PKHD1: variants seen among roughly 807,000 people sequenced by gnomAD.
PKHD1 encodes fibrocystin.
In PKHD1, 291 loss-of-function variants were observed where a neutral mutation model predicts 412.0. That is an observed-to-expected ratio of 0.71 (90% CI 0.64 to 0.78). The LOEUF is 0.78. PKHD1 is among the 30% of genes least tolerant of loss of function. The probability of loss-of-function intolerance (pLI) is 0.00; values close to 1 mark genes in which losing one functional copy is unlikely to be tolerated. For missense variants in PKHD1, 4,825 were observed against 4,950.7 expected, an observed-to-expected ratio of 0.97 and a Z score of 0.76; for synonymous variants, 1,777 against 1,821.5, an observed-to-expected ratio of 0.98 and a Z score of 0.62.
At chr6:51,974,354 G>A (rs1285212770) in intron 35 of PKHD1, among the ~76,000 whole-genome samples, 4 of 152,094 alleles carry the variant, frequency 2.6e-5, no homozygotes, top group Non-Finnish European at 5.9e-5. Context: ...CTTCTCATCT[G>A]GGCAAACCAA....
In PKHD1 at chr6:51,911,962, G is replaced by GA. The variant is rs138161138; in HGVS notation, c.6333-7dup. 56 of 1,606,420 alleles carry GA rather than the reference G, an allele frequency of 3.5e-5. No individual in the cohort carries two copies. Among genetic ancestry groups the GA allele is most frequent in the Non-Finnish European group, 4.3e-5 (51 of 1,175,294 alleles). On this transcript the variant is annotated splice_polypyrimidine_tract_variant and splice_region_variant and intron_variant, in intron 38 of 66. Transcript: ENST00000371117. ...CTGTAAAGTTGTGAGAATATCTGGAGAAAAAAAGAGGATGATAGAACTGAG... is the reference window on the plus strand; with the variant it reads ...CTGTAAAGTTGTGAGAATATCTGGAGAAAAAAAAGAGGATGATAGAACTGAG...
chr6:51,922,666 G>T (rs1410752475), intron 37 of PKHD1, among the ~76,000 whole-genome samples: 1 of 152,214 alleles, frequency 6.6e-6, no homozygotes, highest in Admixed American at 6.5e-5. Flanking sequence ...CCCTCCCCAA[G>T]CCTCGCTGCC....
intron 37 of PKHD1, among the ~76,000 whole-genome samples, chr6:51,920,609 A>C (rs1023162765): frequency 1.3e-5 from 2 of 152,170 alleles, no homozygotes; most frequent in Non-Finnish European, 2.9e-5. Context: ...TGTCTCTGCC[A>C]GGCTTTGGTA....
At chr6:51,645,067 C>T (rs1178829497) in intron 63 of PKHD1, among the ~76,000 whole-genome samples, 2 of 152,156 alleles carry the variant, frequency 1.3e-5, no homozygotes, top group African/African-American at 4.8e-5. Context: ...GGTACATATA[C>T]ACCATATCAA....
Position 52,050,238 on chromosome 6 carries a change from G to A in PKHD1, c.2198C>T (p.Ser733Phe). 1.2e-6 allele frequency: 2 copies of A among 1,614,200 alleles called. No homozygotes were observed. Among genetic ancestry groups the A allele is most frequent in the Non-Finnish European group, 1.7e-6 (2 of 1,180,006 alleles). The stretch of plus-strand genomic sequence containing the variant: ...GTAGACCGGAGGGGATCCCACCACA[G>A]AGACTGATTCCACCAGATTGCCCCC... ...RPGGNLVESVSVVGSPPVYSV... is the reference protein window; with the variant it reads ...RPGGNLVESVFVVGSPPVYSV... The change falls in exon 22 of 67, where the codon TCT becomes TTT. Residue 733 changes from serine to phenylalanine, a missense_variant. Physicochemically the swap from Ser to Phe is radical, Grantham distance 155. Coordinates refer to ENST00000371117, the MANE Select transcript of PKHD1 (RefSeq NM_138694.4).
At chr6:51,976,240 C>T (rs1794424430) in intron 35 of PKHD1, among the ~76,000 whole-genome samples, 1 of 152,220 alleles carries the variant, frequency 6.6e-6, no homozygotes, top group Non-Finnish European at 1.5e-5. Context: ...GGAAGCAACT[C>T]ATGTGCATTG....
At chr6:52,024,310 T>C (rs1801821296) in intron 32 of PKHD1, among the ~76,000 whole-genome samples, 1 of 152,290 alleles carries the variant, frequency 6.6e-6, no homozygotes, top group South Asian at 2.1e-4. Context: ...TAATTTAAAA[T>C]ACAAATCCAG....
At chr6:52,069,982 G>A (rs1810358325) in intron 10 of PKHD1, among the ~76,000 whole-genome samples, 1 of 152,058 alleles carries the variant, frequency 6.6e-6, no homozygotes, top group African/African-American at 2.4e-5. Context: ...CAAAATATAA[G>A]GTAAGGATTC....
chr6:51,961,931 T>C (rs1488381918), intron 35 of PKHD1, among the ~76,000 whole-genome samples: 1 of 152,086 alleles, frequency 6.6e-6, no homozygotes, highest in Non-Finnish European at 1.5e-5. Flanking sequence ...CATATACCTG[T>C]GAAATCAAAA....
intron 53 of PKHD1, among the ~76,000 whole-genome samples, chr6:51,783,318 T>C (rs1445669053): frequency 6.7e-6 from 1 of 149,838 alleles, no homozygotes; most frequent in African/African-American, 2.4e-5. Flanking sequence ...TTAGGATATG[T>C]GTTTCAAAAA....
chr6:51,856,398 G>A (rs934643709), intron 48 of PKHD1, among the ~76,000 whole-genome samples: 1 of 152,250 alleles, frequency 6.6e-6, no homozygotes, highest in East Asian at 1.9e-4. Flanking sequence ...AGTGCAATGC[G>A]CAGTCTCAGC....
At chr6:51,639,031 G>A in intron 63 of PKHD1, 75 bp from the exon 64 acceptor site, 1 of 1,106,464 alleles carries the variant, frequency 9.0e-7, no homozygotes, top group Non-Finnish European at 1.4e-6. Context: ...CTTCTGCGAA[G>A]GCAGACATTT....
rs759826377 is a variant in PKHD1, at chr6:51,960,052, G to GGGTT, written c.5752-30_5752-27dup. 6.2e-6 allele frequency: 10 copies of GGGTT among 1,612,136 alleles called. No individual in the cohort carries two copies. In the African/African-American group the frequency reaches 8.0e-5, roughly 13 times the overall value. ...CTGGAAAACAGAGAGCTGGGTTGGT[G>GGGTT]GGTTGGTTGGTTGGTTGGCTGGTCT... On this transcript the variant is annotated intron_variant, in intron 35 of 66. Transcript: ENST00000371117.
At chr6:51,737,710 T>C (rs1784025845) in intron 60 of PKHD1, among the ~76,000 whole-genome samples, 2 of 143,724 alleles carry the variant, frequency 1.4e-5, no homozygotes, top group Admixed American at 6.8e-5. Context: ...GAATCACTTA[T>C]TGTTTGTGTG....
At chr6:51,748,899 G>A (rs771047863) in intron 57 of PKHD1, among the ~76,000 whole-genome samples, 1 of 152,188 alleles carries the variant, frequency 6.6e-6, no homozygotes. Flanking sequence ...GACAGGACAG[G>A]GAAAGATGAG....
chr6:51,986,858 C>T (rs1276291414), intron 35 of PKHD1, among the ~76,000 whole-genome samples: 1 of 152,150 alleles, frequency 6.6e-6, no homozygotes, highest in Admixed American at 6.5e-5. Context: ...TGGAAATGGC[C>T]TTTATCCAAC....
chr6:52,078,619 C>G (rs1348291723), intron 5 of PKHD1, among the ~76,000 whole-genome samples: 1 of 152,138 alleles, frequency 6.6e-6, no homozygotes, highest in Non-Finnish European at 1.5e-5. Context: ...CATCAACTTG[C>G]CAAGATAGTT....
At chr6:52,027,757 A>G in intron 31 of PKHD1, 72 bp downstream of exon 31, 1 of 1,194,518 alleles carries the variant, frequency 8.4e-7, no homozygotes, top group Non-Finnish European at 1.3e-6. Flanking sequence ...AAATTAATCC[A>G]GAAACAAAAT....
At chr6:51,988,196 A>T (rs1291961563) in intron 35 of PKHD1, among the ~76,000 whole-genome samples, 1 of 152,206 alleles carries the variant, frequency 6.6e-6, no homozygotes, top group African/African-American at 2.4e-5. Flanking sequence ...AAAACGCCCT[A>T]TGTCTTCAAT....
Sources: allele counts gnomAD v4.1 joint callset (sites outside exome capture counted in the v4.1 genomes callset), GRCh38; gene constraint gnomAD v4.1.1; transcripts MANE v1.5; gene names NCBI Gene and HGNC (gene_info 2026-07-23, HGNC 2026-07-21).